The following PBRM1 variants were observed in gnomAD, a reference collection of about 807,000 sequenced individuals.
PBRM1 encodes protein polybromo-1.
Under a neutral mutation model 194.5 loss-of-function variants are expected in PBRM1, and 27 were observed. The observed-to-expected ratio is 0.14, with a 90% confidence interval of 0.10 to 0.19. The LOEUF (loss-of-function observed/expected upper bound fraction) is 0.19, where lower values mean the gene tolerates loss of function less well. Ranked by LOEUF, PBRM1 falls within the 10% of genes least tolerant of loss-of-function variation. PBRM1 has a pLI of 1.00. For missense variants in PBRM1, 1,466 were observed against 2,077.2 expected (o/e 0.71, Z 5.72); for synonymous variants, 655 against 693.2 (o/e 0.94, Z 0.87).
exon 10 of PBRM1, chr3:52,641,961 A>G: frequency 6.3e-7 from 1 of 1,594,584 alleles, no homozygotes; most frequent in Non-Finnish European, 8.6e-7. Flanking sequence ...TACCAGCTAA[A>G]GCAGCATCTT....
chr3:52,620,552 G>T (rs2095228386), intron 13 of PBRM1, among the ~76,000 whole-genome samples: 1 of 152,176 alleles, frequency 6.6e-6, no homozygotes. Context: ...TCTCAGATGG[G>T]AGTAAATCTA....
chr3:52,610,389 A>G (rs2094547111), intron 15 of PBRM1, among the ~76,000 whole-genome samples: 1 of 152,212 alleles, frequency 6.6e-6, no homozygotes, highest in Non-Finnish European at 1.5e-5. Flanking sequence ...TAAACATACA[A>G]ACAAACACAC....
intron 13 of PBRM1, among the ~76,000 whole-genome samples, chr3:52,622,609 A>G (rs1429831634): frequency 3.3e-5 from 5 of 152,122 alleles, no homozygotes; most frequent in Non-Finnish European, 7.4e-5. Context: ...GGCAAATGTG[A>G]TTTTCCAGGA....
chr3:52,625,081 A>G, intron 13 of PBRM1, 140 bp from the exon 15 acceptor site: 1 of 677,042 alleles, frequency 1.5e-6, no homozygotes. Context: ...ACATTTCAAC[A>G]AGGAAGACAG....
At chr3:52,599,813 G>A (rs1191008473) in intron 17 of PBRM1, among the ~76,000 whole-genome samples, 1 of 150,888 alleles carries the variant, frequency 6.6e-6, no homozygotes, top group Non-Finnish European at 1.5e-5. Flanking sequence ...CTGGGCAACA[G>A]AGTGAGACTC....
chr3:52,678,532 G>A (rs2154057435), exon 2 of PBRM1: 1 of 1,613,548 alleles, frequency 6.2e-7, no homozygotes, highest in Non-Finnish European at 8.5e-7. Context: ...AGAGCTCACA[G>A]AGAAGTCTGC....
intron 3 of PBRM1, among the ~76,000 whole-genome samples, chr3:52,666,795 G>A (rs1362913272): frequency 1.3e-5 from 2 of 150,810 alleles, no homozygotes; most frequent in Non-Finnish European, 2.9e-5. Flanking sequence ...AGGAGGCTAA[G>A]GTGGGAAGAT....
chr3:52,581,264 C>T (rs970582217), intron 20 of PBRM1, among the ~76,000 whole-genome samples: 1 of 152,192 alleles, frequency 6.6e-6, no homozygotes, highest in South Asian at 2.1e-4. Flanking sequence ...AATCCCAGCA[C>T]TTTGGAAGGC....
At chr3:52,566,809 T>C (rs745671460) in intron 22 of PBRM1, among the ~76,000 whole-genome samples, 9 of 152,216 alleles carry the variant, frequency 5.9e-5, no homozygotes, top group African/African-American at 1.7e-4. Context: ...AGGCTGGGCG[T>C]GGTAATCCTA....
exon 26 of PBRM1, chr3:52,558,265 C>T: frequency 1.3e-6 from 2 of 1,532,396 alleles, no homozygotes; most frequent in East Asian, 4.9e-5. Flanking sequence ...CAGGTGTCAA[C>T]TGCTGATTGA....
At chr3:52,604,441 C>T (rs2094208150) in intron 16 of PBRM1, among the ~76,000 whole-genome samples, 1 of 152,198 alleles carries the variant, frequency 6.6e-6, no homozygotes, top group South Asian at 2.1e-4. Context: ...TGGCTCATGC[C>T]TATAATCCCA....
At chr3:52,604,277 T>G (rs2094195419) in intron 16 of PBRM1, among the ~76,000 whole-genome samples, 1 of 152,180 alleles carries the variant, frequency 6.6e-6, no homozygotes, top group Non-Finnish European at 1.5e-5. Context: ...GGCCTCAGAG[T>G]TAATGTTCAT....
intron 13 of PBRM1, 67 bp from the exon 16 acceptor site, chr3:52,617,605 C>G: frequency 8.6e-7 from 1 of 1,165,216 alleles, no homozygotes; most frequent in Non-Finnish European, 1.2e-6. Context: ...ATACGGATGA[C>G]CACAAAATAA....
At position 52,634,825 on chromosome 3, in the gene PBRM1, C is replaced by A. The variant is rs776682266; in HGVS notation, c.1088-10G>T. ...TCTTCATAGCGTGCAGCTGGAAAGACAAAAAAAGTATTTATAAAGGGACGA... is the reference window on the plus strand; with the variant it reads ...TCTTCATAGCGTGCAGCTGGAAAGAAAAAAAAAGTATTTATAAAGGGACGA... On this transcript the variant is annotated splice_polypyrimidine_tract_variant and intron_variant, in intron 10 of 29. Transcript: ENST00000296302. 26 of 1,585,506 alleles carry A rather than the reference C, an allele frequency of 1.6e-5. No individual in the cohort carries two copies. The highest frequency in any genetic ancestry group is 1.1e-4 in the Admixed American group (6 of 56,192).
In PBRM1 at chr3:52,648,001, C is replaced by T. The variant is rs1444358937; in HGVS notation, c.813+343G>A. On this transcript the variant is annotated intron_variant, in intron 7 of 29. Transcript: ENST00000296302. ...TCAGCTCACTGCAACCTCTGCCTCC[C>T]GGATTCAACCGACTCTCCTACCTCA... 3.3e-5 allele frequency among the ~76,000 whole-genome samples: 5 copies of T among 151,982 alleles called. No individual in the cohort carries two copies. In the East Asian group the frequency reaches 7.7e-4, roughly 23 times the overall value.
rs995908744 is a variant in PBRM1 at position 52,556,172 on chromosome 3, G to A, written c.4454-1293C>T. ...ATTTCAAACATATTTATTTATAAAAGTTTAGTCTTTTAAGGCTATGAAATT... is the reference window on the plus strand; with the variant it reads ...ATTTCAAACATATTTATTTATAAAAATTTAGTCTTTTAAGGCTATGAAATT... On this transcript the variant is annotated intron_variant, in intron 26 of 29. Transcript: ENST00000296302. Among the ~76,000 whole-genome samples the A allele has an allele frequency of 2.0e-5, 3 of 152,124 alleles. No individual in the cohort carries two copies. In the South Asian group the frequency reaches 6.2e-4, roughly 32 times the overall value.
chr3:52,615,670 T>C (rs925932305), intron 14 of PBRM1, among the ~76,000 whole-genome samples: 1 of 152,220 alleles, frequency 6.6e-6, no homozygotes, highest in Non-Finnish European at 1.5e-5. Flanking sequence ...GTGATTCTAA[T>C]GCACAGACAT....
intron 17 of PBRM1, among the ~76,000 whole-genome samples, chr3:52,602,583 C>T (rs986995664): frequency 2.6e-5 from 4 of 152,174 alleles, no homozygotes; most frequent in Non-Finnish European, 4.4e-5. Context: ...TAACTTGGAT[C>T]GTCACCTTGG....
upstream of PBRM1, chr3:52,679,776 C>G (rs1223725983): frequency 6.8e-7 from 1 of 1,477,536 alleles, no homozygotes; most frequent in Non-Finnish European, 9.3e-7. Context: ...ACTCTGTCAC[C>G]AAGTCTTCAG....
Sources: gnomAD v4.1 joint callset for allele counts (sites outside exome capture counted in the v4.1 genomes callset) on GRCh38, gnomAD v4.1.1 for gene constraint, MANE v1.5 for transcripts, NCBI Gene and HGNC (gene_info 2026-07-23, HGNC 2026-07-21) for gene names.